The following GZMM variants were observed in gnomAD, a reference collection of about 807,000 sequenced individuals.
The protein encoded by GZMM is HU-Met-1.
GZMM carries 23 observed loss-of-function variants against 19.2 expected under a neutral mutation model. That is an observed-to-expected ratio of 1.20 (90% CI 0.86 to 1.69). The LOEUF (loss-of-function observed/expected upper bound fraction) is 1.69, where lower values mean the gene tolerates loss of function less well. GZMM is among the 40% of genes most tolerant of loss of function. The probability of loss-of-function intolerance (pLI) is 0.00; values close to 1 mark genes in which losing one functional copy is unlikely to be tolerated. For synonymous variants in GZMM, 178 were observed against 160.2 expected, an observed-to-expected ratio of 1.11 and a Z score of -0.84; for missense variants, 373 against 352.2, an observed-to-expected ratio of 1.06 and a Z score of -0.47.
At chr19:545,700 A>G (rs181336779) in intron 1 of GZMM, among the ~76,000 whole-genome samples, 5 of 144,790 alleles carry the variant, frequency 3.5e-5, no homozygotes, top group East Asian at 2.0e-4. Flanking sequence ...CTGGAGTGCA[A>G]TGGCACGATC....
chr19:544,331 G>A (rs932566736), intron 1 of GZMM, among the ~76,000 whole-genome samples: 1 of 152,208 alleles, frequency 6.6e-6, no homozygotes, highest in Non-Finnish European at 1.5e-5. Flanking sequence ...GGAGAGTGTG[G>A]TGTCCACCGG....
chr19:549,302 G>T (rs1600444115), intron 4 of GZMM, 117 bp downstream of exon 4: 1 of 1,076,498 alleles, frequency 9.3e-7, no homozygotes, highest in South Asian at 1.7e-5. Context: ...TCAGGGGCTG[G>T]GGGGCGGGGA....
Position 547,446 on chromosome 19 carries a change from C to A in GZMM, c.212+10C>A. On this transcript the variant is annotated intron_variant, in intron 2 of 4. Transcript: ENST00000264553. Reference sequence around the variant, plus strand: ...ACTGCCTGGCCCAGCGGTGAGTACCCTGCCCTGCCCACCCCAGGGGTCCGG... The same window carrying A: ...ACTGCCTGGCCCAGCGGTGAGTACCATGCCCTGCCCACCCCAGGGGTCCGG... The A allele has an allele frequency of 7.2e-7, 1 of 1,395,540 alleles. No individual in the cohort carries two copies. 86.4% of individuals were successfully genotyped at this position (1,395,540 alleles called of 1,614,324 possible).
chr19:548,024 C>T (rs570665424), intron 2 of GZMM, among the ~76,000 whole-genome samples: 20 of 152,306 alleles, frequency 1.3e-4, no homozygotes, highest in East Asian at 3.9e-4. Context: ...GCTTCAGGTG[C>T]GGCTTGATCC....
Position 549,180 on chromosome 19 carries a change from T to G in GZMM, c.607T>G (p.Cys203Gly), listed in dbSNP as rs765757334. The G allele has an allele frequency of 2.5e-6, 4 of 1,570,532 alleles. No individual in the cohort carries two copies. The African/African-American group carries it at 5.4e-5, about 21-fold the overall frequency. Reference sequence around the variant, plus strand: ...GGCCGACTCCAAGGACCAGGCTCCCTGCAAGGTGAGGGGCGCCCGGGTGGG... The same window carrying G: ...GGCCGACTCCAAGGACCAGGCTCCCGGCAAGGTGAGGGGCGCCCGGGTGGG... ...LAADSKDQAP[C>G]KGDSGGPLVC... Residue 203 changes from cysteine to glycine, a missense_variant, in exon 4 of 5, where the codon TGC becomes GGC. Physicochemically the swap from Cys to Gly is radical, Grantham distance 159. Coordinates refer to ENST00000264553, the MANE Select transcript of GZMM (RefSeq NM_005317.4).
At position 548,975 on chromosome 19, in the gene GZMM, T is replaced by C. The variant is rs2145861169; in HGVS notation, c.402T>C (p.Ser134=). The C allele has an allele frequency of 6.2e-7, 1 of 1,601,768 alleles. No homozygotes were observed. Among genetic ancestry groups the C allele is most frequent in the East Asian group, 2.2e-5 (1 of 44,472 alleles). The change falls in exon 4 of 5, where the codon AGT becomes AGC. Residue 134 remains serine (S), a synonymous_variant. Transcript: ENST00000264553. Reference sequence around the variant, plus strand: ...CCATCCGGCCGTTGGCCCTGCCCAGTAAGCGCCAGGTGGTGGCAGCAGGGA... The same window carrying C: ...CCATCCGGCCGTTGGCCCTGCCCAGCAAGCGCCAGGTGGTGGCAGCAGGGA... ...SRTIRPLALP[S]KRQVVAAGTR...
Position 548,465 on chromosome 19 carries a change from A to G in GZMM, c.213-77A>G, listed in dbSNP as rs1474538061. On this transcript the variant is annotated intron_variant, in intron 2 of 4. Transcript: ENST00000264553. ...AGTGATGGCCATGGACAACGGGCAC[A>G]GTGGGGGCCGGGACTGCATGTGGCG... 16 of 1,451,624 alleles carry G rather than the reference A, an allele frequency of 1.1e-5. No individual in the cohort carries two copies. The East Asian group carries it at 3.5e-4, about 32-fold the overall frequency. The allele number at this position is 1,451,624 out of a possible 1,614,324, so 89.9% of individuals were successfully genotyped here.
rs773850330 is a variant in GZMM, at chr19:549,154, C to G, written c.581C>G (p.Ala194Gly). 1 of 1,577,648 alleles carries G rather than the reference C, an allele frequency of 6.3e-7. No individual in the cohort carries two copies. Among genetic ancestry groups the G allele is most frequent in the South Asian group, 1.2e-5 (1 of 86,070 alleles). ...CTCTCCCCCAGCATGGTCTGCCTGG[C>G]GGCCGACTCCAAGGACCAGGCTCCC... is the stretch of plus-strand genomic sequence containing the variant. ...GSLSPSMVCL[A>G]ADSKDQAPCK... Residue 194 changes from alanine to glycine, a missense_variant, in exon 4 of 5, where the codon GCG (alanine) becomes GGG (glycine). Transcript: ENST00000264553.
intron 1 of GZMM, among the ~76,000 whole-genome samples, chr19:544,423 T>G (rs1980178555): frequency 1.3e-5 from 2 of 152,122 alleles, no homozygotes; most frequent in Non-Finnish European, 2.9e-5. Context: ...AGACTGAGAC[T>G]TGGCGAAGGA....
chr19:544,663 ATCCT>A (rs953850370), intron 1 of GZMM, among the ~76,000 whole-genome samples: 17 of 151,554 alleles, frequency 1.1e-4, no homozygotes, highest in African/African-American at 3.6e-4. Flanking sequence ...AGTCATCATC[ATCCT>A]TCCTCCCATT....
intron 2 of GZMM, among the ~76,000 whole-genome samples, chr19:548,246 A>T (rs1033073177): frequency 1.3e-5 from 2 of 152,188 alleles, no homozygotes; most frequent in Non-Finnish European, 2.9e-5. Context: ...AAGTGAAGGG[A>T]ATTCCCAGGG....
intron 1 of GZMM, among the ~76,000 whole-genome samples, 200 bp from the exon 2 acceptor site, chr19:547,080 G>C (rs1048699376): frequency 7.1e-6 from 1 of 140,912 alleles, no homozygotes; most frequent in African/African-American, 2.6e-5. Flanking sequence ...GGGGGAACAT[G>C]ATGGGGGTGA....
chr19:548,396 G>A, intron 2 of GZMM, 146 bp from the exon 3 acceptor site: 2 of 733,224 alleles, frequency 2.7e-6, no homozygotes, highest in Non-Finnish European at 4.5e-6. Context: ...AAAGACACAG[G>A]GAAGGACTGG....
intron 1 of GZMM, among the ~76,000 whole-genome samples, chr19:545,797 C>G (rs1219680724): frequency 6.6e-6 from 1 of 152,038 alleles, no homozygotes; most frequent in Non-Finnish European, 1.5e-5. Flanking sequence ...ATGCCCGCCA[C>G]CTCGCCCGGC....
rs778106883 is a variant in GZMM at position 547,365 on chromosome 19, C to T, written c.141C>T (p.Gly47=). The change falls in exon 2 of 5, where the codon GGC becomes GGT. Residue 47 remains glycine (G), a synonymous_variant. Coordinates refer to ENST00000264553, the MANE Select transcript of GZMM (RefSeq NM_005317.4). ...RPYMASLQRN[G]SHLCGGVLVH... Reference sequence around the variant, plus strand: ...ACATGGCCTCACTGCAGAGAAATGGCTCCCACCTGTGCGGGGGTGTCCTGG... The same window carrying T: ...ACATGGCCTCACTGCAGAGAAATGGTTCCCACCTGTGCGGGGGTGTCCTGG... The T allele has an allele frequency of 6.4e-7, 1 of 1,573,094 alleles. No homozygotes were observed. The highest frequency in any genetic ancestry group is 1.8e-5 in the Admixed American group (1 of 55,096).
rs773865391 is a variant in GZMM, at chr19:549,101, TAAC to T, written c.533_535del (p.Asn178del). 2.5e-6 allele frequency: 4 copies of T among 1,584,762 alleles called. No individual in the cohort carries two copies. Among genetic ancestry groups the T allele is most frequent in the Non-Finnish European group, 2.6e-6 (3 of 1,166,982 alleles). ...TCCAAGTGCTGGACACCCGCATGTG[TAAC>T]AACAGCCGCTTCTGGAACGGCAGCC... is the stretch of plus-strand genomic sequence containing the variant. On this transcript the variant is annotated inframe_deletion, in exon 4 of 5. Transcript: ENST00000264553.
chr19:547,469 C>A (rs369284240), intron 2 of GZMM, 33 bp downstream of exon 2: 1 of 1,343,764 alleles, frequency 7.4e-7, no homozygotes, highest in East Asian at 2.8e-5. Flanking sequence ...CCCAGGGGTC[C>A]GGGGAATCCA....
Position 544,134 on chromosome 19 carries a change from G to A in GZMM, c.55+8G>A. On this transcript the variant is annotated splice_region_variant and intron_variant, in intron 1 of 4. Transcript: ENST00000264553. ...TGGGGGCCCTGTCAGTAGGTGAGTG[G>A]GAGCCGGGATGCAGGGGGGACACTG... is the stretch of plus-strand genomic sequence containing the variant. 1.3e-6 allele frequency: 2 copies of A among 1,551,142 alleles called. No homozygotes were observed. Among genetic ancestry groups the A allele is most frequent in the Non-Finnish European group, 1.7e-6 (2 of 1,147,486 alleles).
At chr19:549,257 AGGTTCCT>A in intron 4 of GZMM, 72 bp downstream of exon 4, 1 of 1,377,684 alleles carries the variant, frequency 7.3e-7, no homozygotes. Flanking sequence ...GCCGCCGGGC[AGGTTCCT>A]GGCTCTCCCG....
Sources: allele counts gnomAD v4.1 joint callset (sites outside exome capture counted in the v4.1 genomes callset), GRCh38; gene constraint gnomAD v4.1.1; transcripts MANE v1.5; gene names NCBI Gene and HGNC (gene_info 2026-07-23, HGNC 2026-07-21).